The following RTCA variants were observed in gnomAD, a reference collection of about 807,000 sequenced individuals.
The protein encoded by RTCA is RNA 3'-terminal phosphate cyclase, also known as RNA terminal phosphate cyclase domain 1.
Under a neutral mutation model 46.1 loss-of-function variants are expected in RTCA, and 37 were observed. That is an observed-to-expected ratio of 0.80 (90% confidence interval 0.62 to 1.06). The LOEUF is 1.06. Among genes scored for constraint, RTCA ranks in the 50% least tolerant of loss-of-function variants. The probability of loss-of-function intolerance (pLI) is 0.00; values close to 1 mark genes in which losing one functional copy is unlikely to be tolerated. For synonymous variants in RTCA, 164 were observed against 158.3 expected, an observed-to-expected ratio of 1.04 and a Z score of -0.27; for missense variants, 435 against 455.5, an observed-to-expected ratio of 0.95 and a Z score of 0.41.
In RTCA at chr1:100,288,667, A is replaced by C. The variant is rs535249365; in HGVS notation, c.999+1464A>C. 9.2e-5 allele frequency among the ~76,000 whole-genome samples: 14 copies of C among 152,282 alleles called. No individual in the cohort carries two copies. The South Asian group carries it at 2.9e-3, about 32-fold the overall frequency. On this transcript the variant is annotated intron_variant, in intron 10 of 10. Coordinates refer to ENST00000370128, the MANE Select transcript of RTCA (RefSeq NM_003729.4). ...CAATCTCCCAAAGCGCTAGGATTAC[A>C]GGTGTAAGCCAGCATGCCCAGCCCT...
chr1:100,279,862 A>G (rs1410981541), intron 8 of RTCA, among the ~76,000 whole-genome samples: 1 of 152,232 alleles, frequency 6.6e-6, no homozygotes, highest in Admixed American at 6.5e-5. Flanking sequence ...AGATGACAAC[A>G]GAAATATCGA....
Position 100,266,326 on chromosome 1 carries a change from C to T in RTCA, c.-50C>T, listed in dbSNP as rs374802218. 6 of 1,596,416 alleles carry T rather than the reference C, an allele frequency of 3.8e-6. No individual in the cohort carries two copies. In the African/African-American group the frequency reaches 5.4e-5, roughly 14 times the overall value. On this transcript the variant is annotated 5_prime_UTR_variant, in exon 1 of 11. Coordinates refer to ENST00000370128, the MANE Select transcript of RTCA (RefSeq NM_003729.4). Reference sequence around the variant, plus strand: ...GGGAGCCAACGTCTCTTCTTTCTCCCGCTCTGGCGGAGGCTTTGTCGCTGC... The same window carrying T: ...GGGAGCCAACGTCTCTTCTTTCTCCTGCTCTGGCGGAGGCTTTGTCGCTGC...
intron 4 of RTCA, among the ~76,000 whole-genome samples, chr1:100,271,048 GC>G (rs1261875080): frequency 6.6e-6 from 1 of 151,606 alleles, no homozygotes; most frequent in African/African-American, 2.4e-5. Context: ...TCCCACCTCA[GC>G]CTCCCAAATG....
intron 8 of RTCA, among the ~76,000 whole-genome samples, chr1:100,284,397 A>ATT (rs199515109): frequency 2.1e-4 from 30 of 141,048 alleles, no homozygotes; most frequent in South Asian, 4.5e-4. Context: ...AAATTCTTTA[A>ATT]TTTTTTTTTT....
intron 2 of RTCA, 61 bp from the exon 3 acceptor site, chr1:100,268,091 A>G (rs1221017905): frequency 6.3e-7 from 1 of 1,576,382 alleles, no homozygotes; most frequent in Non-Finnish European, 8.6e-7. Context: ...AATTTGTCAT[A>G]AAATGTGGGG....
rs201188195 is a variant in RTCA, at chr1:100,287,054, A to G, written c.895-45A>G. 3.4e-5 allele frequency: 45 copies of G among 1,330,926 alleles called. No individual in the cohort carries two copies. The East Asian group carries it at 9.2e-4, about 27-fold the overall frequency. 82.4% of individuals were successfully genotyped at this position (1,330,926 alleles called of 1,614,324 possible). A position where few individuals can be genotyped will look rare whatever the true frequency, so the allele number is the denominator to read the frequency against. ...GGCAGCAGTGGAATTATAATGCCAA[A>G]TATTAATAAATGTGTGAGGTTTTTC... On this transcript the variant is annotated intron_variant, in intron 9 of 10. Transcript: ENST00000370128.
At position 100,274,831 on chromosome 1, in the gene RTCA, T is replaced by TA; in HGVS notation, c.482dup (p.Tyr161Ter). Residue 161 changes from tyrosine to a stop codon, truncating the protein, a stop_gained and frameshift_variant, in exon 6 of 11, where the codon TAC becomes TAAC. Coordinates refer to ENST00000370128, the MANE Select transcript of RTCA (RefSeq NM_003729.4). LOFTEE classifies it high-confidence loss of function. The part of the protein sequence containing the change: ...FNCDIKTRGY[Y>*]PKGGGEVIVR... Reference sequence around the variant, plus strand: ...TTGTTATACTTTTCATAGGGGATATTACCCAAAAGGGGGTGGTGAAGTGAT... The same window carrying TA: ...TTGTTATACTTTTCATAGGGGATATTAACCCAAAAGGGGGTGGTGAAGTGAT... 6.2e-7 allele frequency: 1 copy of TA among 1,611,302 alleles called. No homozygotes were observed. Among genetic ancestry groups the TA allele is most frequent in the Non-Finnish European group, 8.5e-7 (1 of 1,178,106 alleles).
At chr1:100,280,123 A>G (rs138996654) in intron 8 of RTCA, among the ~76,000 whole-genome samples, 1 of 152,338 alleles carries the variant, frequency 6.6e-6, no homozygotes, top group East Asian at 1.9e-4. Flanking sequence ...AGGTGAATGG[A>G]CAATATTTGC....
At chr1:100,271,372 G>T (rs1479352257) in intron 4 of RTCA, among the ~76,000 whole-genome samples, 2 of 152,148 alleles carry the variant, frequency 1.3e-5, no homozygotes, top group Non-Finnish European at 2.9e-5. Context: ...TACTCAGGAG[G>T]CTGAGGTGGG....
chr1:100,273,555 A>G (rs1035470324), intron 5 of RTCA, 103 bp downstream of exon 5: 5 of 583,388 alleles, frequency 8.6e-6, no homozygotes, highest in African/African-American at 2.0e-5. Context: ...CACTTAATAC[A>G]TTGCATCTCT....
intron 9 of RTCA, among the ~76,000 whole-genome samples, chr1:100,286,311 G>A (rs185350201): frequency 8.6e-5 from 13 of 151,936 alleles, no homozygotes; most frequent in African/African-American, 2.2e-4. Context: ...AAAATTAGCC[G>A]GGCGTGGTGG....
At chr1:100,291,169 T>C (rs1302423006) in intron 10 of RTCA, among the ~76,000 whole-genome samples, 2 of 152,174 alleles carry the variant, frequency 1.3e-5, no homozygotes, top group Admixed American at 6.5e-5. Context: ...GCATATATAT[T>C]TGGACAAAAC....
In RTCA at chr1:100,287,181, A is replaced by G. The variant is rs996636264; in HGVS notation, c.977A>G (p.His326Arg). ...PVTLHTQTAI[H>R]FAEQIAKAKF... ...ACACTCCATACGCAAACCGCGATAC[A>G]TTTTGCTGAACAAATAGCAAAGGTG... Residue 326 changes from histidine (H) to arginine (R), a missense_variant, in exon 10 of 11, where the codon CAT becomes CGT. His to Arg is a conservative substitution (Grantham distance 29). Coordinates refer to ENST00000370128, the MANE Select transcript of RTCA (RefSeq NM_003729.4). The G allele has an allele frequency of 5.1e-6, 8 of 1,579,540 alleles. No individual in the cohort carries two copies. Among genetic ancestry groups the G allele is most frequent in the East Asian group, 2.4e-5 (1 of 42,434 alleles).
chr1:100,268,173 G>A lies in RTCA; in HGVS notation c.168G>A (p.Leu56=). ...GAAGGCCTCAACATTTATCTGGACT[G>A]GAAATGATTCGAGATTTGTGTGATG... is the stretch of plus-strand genomic sequence containing the variant. The part of the protein sequence containing the change: ...PGLRPQHLSG[L]EMIRDLCDGQ... Residue 56 remains leucine, a synonymous_variant, in exon 3 of 11, where the codon CTG becomes CTA. Transcript: ENST00000370128. The A allele has an allele frequency of 6.2e-7, 1 of 1,614,174 alleles. No individual in the cohort carries two copies. Among genetic ancestry groups the A allele is most frequent in the Non-Finnish European group, 8.5e-7 (1 of 1,180,024 alleles).
At chr1:100,270,449 G>GTCTGTGCT in intron 3 of RTCA, 108 bp from the exon 4 acceptor site, 5 of 1,340,186 alleles carry the variant, frequency 3.7e-6, no homozygotes, top group Non-Finnish European at 5.1e-6. Flanking sequence ...CTTCACAGTT[G>GTCTGTGCT]TCTGTGCTTT....
intron 9 of RTCA, among the ~76,000 whole-genome samples, chr1:100,285,794 C>CT (rs1183628155): frequency 6.6e-6 from 1 of 151,966 alleles, no homozygotes; most frequent in African/African-American, 2.4e-5. Flanking sequence ...TAATTTAAAA[C>CT]TTTTTTTTGT....
chr1:100,272,008 G>A (rs1320707181), intron 4 of RTCA, among the ~76,000 whole-genome samples: 1 of 152,120 alleles, frequency 6.6e-6, no homozygotes, highest in Non-Finnish European at 1.5e-5. Flanking sequence ...GCTTGTATCT[G>A]CAATGAAAAC....
At chr1:100,267,661 T>G in intron 2 of RTCA, 1 of 1,110,162 alleles carries the variant, frequency 9.0e-7, no homozygotes, top group Non-Finnish European at 1.2e-6. Context: ...GTTTTTTTTT[T>G]TTTTATAAGG....
intron 10 of RTCA, among the ~76,000 whole-genome samples, chr1:100,288,069 T>G (rs961763969): frequency 3.3e-5 from 5 of 152,106 alleles, no homozygotes; most frequent in Non-Finnish European, 5.9e-5. Flanking sequence ...GTTGTGATTA[T>G]AGGTGTGAGC....
Sources: allele counts gnomAD v4.1 joint callset (sites outside exome capture counted in the v4.1 genomes callset), GRCh38; gene constraint gnomAD v4.1.1; transcripts MANE v1.5; gene names NCBI Gene and HGNC (gene_info 2026-07-23, HGNC 2026-07-21).